The following PDE4D variants were observed in gnomAD, a reference collection of about 807,000 sequenced individuals.
PDE4D encodes phosphodiesterase 4D, also known as 3',5'-cyclic-AMP phosphodiesterase 4D.
Under a neutral mutation model 87.4 loss-of-function variants are expected in PDE4D, and 24 were observed. That is an observed-to-expected ratio of 0.27 (90% CI 0.20 to 0.39). PDE4D has a LOEUF of 0.39. Ranked by LOEUF, PDE4D falls within the 10% of genes least tolerant of loss-of-function variation. PDE4D has a pLI of 1.00. For missense variants in PDE4D, 714 were observed against 1,041.0 expected, an observed-to-expected ratio of 0.69 and a Z score of 4.32; for synonymous variants, 384 against 383.2, an observed-to-expected ratio of 1.00 and a Z score of -0.02.
At chr5:60,287,489 G>A (rs537728031) in intron 1 of PDE4D, among the ~76,000 whole-genome samples, 65 of 152,332 alleles carry the variant, frequency 4.3e-4, no homozygotes, top group Non-Finnish European at 6.5e-4. Context: ...TTTACCCTGT[G>A]TGCCTTGCAC....
chr5:59,091,197 T>C, intron 5 of PDE4D: 1 of 445,476 alleles, frequency 2.2e-6, no homozygotes, highest in South Asian at 1.6e-5. Context: ...GAATTCTCAT[T>C]ACCTTCTCAA....
intron 1 of PDE4D, among the ~76,000 whole-genome samples, chr5:59,457,525 C>G (rs746474745): frequency 1.8e-4 from 27 of 152,206 alleles, no homozygotes; most frequent in African/African-American, 5.8e-4. Context: ...ATCTCTGAAC[C>G]CTATACTTAA....
intron 1 of PDE4D, among the ~76,000 whole-genome samples, chr5:59,410,309 T>C (rs1333833189): frequency 6.6e-6 from 1 of 152,196 alleles, no homozygotes; most frequent in Non-Finnish European, 1.5e-5. Flanking sequence ...TGGAGTGCAG[T>C]GGCACGATCT....
intron 1 of PDE4D, among the ~76,000 whole-genome samples, chr5:60,483,109 A>C (rs1748858002): frequency 6.6e-6 from 1 of 152,186 alleles, no homozygotes; most frequent in Non-Finnish European, 1.5e-5. Flanking sequence ...GAATTAAATA[A>C]GGCTGGAGAC....
intron 1 of PDE4D, among the ~76,000 whole-genome samples, chr5:60,218,698 A>G (rs1744150522): frequency 6.6e-6 from 1 of 152,094 alleles, no homozygotes; most frequent in Non-Finnish European, 1.5e-5. Context: ...AAGAGTCTAA[A>G]AAATATTGAA....
At chr5:59,817,984 G>C (rs2152685445) in intron 1 of PDE4D, among the ~76,000 whole-genome samples, 1 of 152,274 alleles carries the variant, frequency 6.6e-6, no homozygotes, top group East Asian at 1.9e-4. Flanking sequence ...GAAAACCCAA[G>C]TGGAATAAAG....
chr5:59,934,692 T>C (rs1756375980), intron 3 of PDE4D, among the ~76,000 whole-genome samples: 1 of 152,184 alleles, frequency 6.6e-6, no homozygotes, highest in Non-Finnish European at 1.5e-5. Context: ...CACTTTCAGG[T>C]AAGGGATTAG....
At position 60,468,130 on chromosome 5, in the gene PDE4D, C is replaced by CTTTTTTTTTTTTTTT. The variant is rs370784270; in HGVS notation, c.-90+19811_-90+19812insAAAAAAAAAAAAAAA. ...TCTAATACACATCCTAACTTTCTTT[C>CTTTTTTTTTTTTTTT]TTTTTTCTTTTTTTTTTGTTTTTTT... On this transcript the variant is annotated intron_variant, in intron 1 of 16. Transcript: ENST00000502484. Among the ~76,000 whole-genome samples, 13 of 126,206 alleles carry CTTTTTTTTTTTTTTT rather than the reference C, an allele frequency of 1.0e-4. 1 individual carries two copies. Among genetic ancestry groups the CTTTTTTTTTTTTTTT allele is most frequent in the East Asian group, 5.5e-4 (2 of 3,634 alleles). The allele number at this position is 126,206 out of a possible 152,430, so 82.8% of individuals were successfully genotyped here.
chr5:58,979,769 A>G (rs932646589), intron 11 of PDE4D, among the ~76,000 whole-genome samples: 6 of 152,312 alleles, frequency 3.9e-5, no homozygotes, highest in East Asian at 1.9e-4. Flanking sequence ...GTAAACTTCT[A>G]TACTACTTTG....
intron 6 of PDE4D, among the ~76,000 whole-genome samples, chr5:59,029,658 G>GT (rs1384681644): frequency 3.0e-5 from 2 of 67,170 alleles, no homozygotes; most frequent in African/African-American, 1.3e-4. Flanking sequence ...AAATTCCAAT[G>GT]TCTTTTTTTT....
At chr5:60,494,829 G>A (rs151124472) in intron 1 of PDE4D, among the ~76,000 whole-genome samples, 6 of 152,322 alleles carry the variant, frequency 3.9e-5, no homozygotes, top group Admixed American at 3.9e-4. Context: ...TGACAACAAA[G>A]GCAGAAGGCA....
At chr5:60,488,837 G>C (rs1226198269), upstream of PDE4D, among the ~76,000 whole-genome samples, 2 of 152,114 alleles carry the variant, frequency 1.3e-5, no homozygotes, top group African/African-American at 4.8e-5. Flanking sequence ...CAGTTCCTCT[G>C]GTCTTTGACA....
intron 1 of PDE4D, among the ~76,000 whole-genome samples, chr5:59,821,279 G>C (rs566748335): frequency 4.1e-5 from 6 of 145,668 alleles, no homozygotes; most frequent in African/African-American, 1.6e-4. Flanking sequence ...AACAACAAAA[G>C]AAAAAGAAAT....
chr5:59,786,744 A>G (rs1030449527), intron 1 of PDE4D, among the ~76,000 whole-genome samples: 2 of 152,208 alleles, frequency 1.3e-5, no homozygotes, highest in Non-Finnish European at 2.9e-5. Context: ...CTCTTGACAC[A>G]TCGTCCAACC....
chr5:59,756,810 CTTTTTT>C (rs5868192), intron 1 of PDE4D, among the ~76,000 whole-genome samples: 4 of 132,268 alleles, frequency 3.0e-5, no homozygotes, highest in African/African-American at 5.7e-5. Context: ...GAGGTTCTTA[CTTTTTT>C]TTTTTTTTTT....
chr5:59,841,709 T>G (rs1743024886), intron 1 of PDE4D, among the ~76,000 whole-genome samples: 1 of 151,994 alleles, frequency 6.6e-6, no homozygotes. Flanking sequence ...AAGCCCAAGT[T>G]CCAAAGTGGG....
At chr5:59,915,640 G>T (rs75730862) in intron 3 of PDE4D, among the ~76,000 whole-genome samples, 4,624 of 152,220 alleles carry the variant, frequency 0.03, 220 homozygotes, top group African/African-American at 0.1. Context: ...TCACAATAAT[G>T]TCCATTAAAC....
At chr5:59,403,166 CAGACAGACAGATAGAT>C (rs767943073) in intron 1 of PDE4D, among the ~76,000 whole-genome samples, 7 of 138,910 alleles carry the variant, frequency 5.0e-5, no homozygotes, top group Non-Finnish European at 6.5e-5. Flanking sequence ...GACAGACAGA[CAGACAGACAGATAGAT>C]AGATAGATTG....
chr5:59,917,484 G>A (rs1426419229), intron 3 of PDE4D, among the ~76,000 whole-genome samples: 1 of 152,172 alleles, frequency 6.6e-6, no homozygotes, highest in Admixed American at 6.5e-5. Context: ...GTAGTGAAAG[G>A]CCAGTAAACT....
Sources: allele counts gnomAD v4.1 joint callset (sites outside exome capture counted in the v4.1 genomes callset), GRCh38; gene constraint gnomAD v4.1.1; transcripts MANE v1.5; gene names NCBI Gene and HGNC (gene_info 2026-07-23, HGNC 2026-07-21).